The following NOL4 variants were observed in gnomAD, a reference collection of about 807,000 sequenced individuals.
NOL4 encodes cancer/testis antigen 125.
A neutral mutation model predicts 75.9 loss-of-function variants in NOL4; 17 were observed. The ratio of observed to expected loss-of-function variants is 0.22; its 90% CI spans 0.15 to 0.34. The LOEUF (loss-of-function observed/expected upper bound fraction) is 0.34, where lower values mean the gene tolerates loss of function less well. Ranked by LOEUF, NOL4 falls within the 10% of genes least tolerant of loss-of-function variation. The pLI, the probability that NOL4 is intolerant of heterozygous loss-of-function variation, is 1.00. For synonymous variants in NOL4, 292 were observed against 289.9 expected (o/e 1.01, Z -0.07); for missense variants, 614 against 793.5 (o/e 0.77, Z 2.72).
intron 9 of NOL4, among the ~76,000 whole-genome samples, chr18:33,937,311 A>G (rs1394403238): frequency 6.6e-6 from 1 of 152,090 alleles, no homozygotes; most frequent in Non-Finnish European, 1.5e-5. Flanking sequence ...AGTATTTAAC[A>G]CATCCATACC....
chr18:34,024,158 A>T (rs2075199082), intron 5 of NOL4, among the ~76,000 whole-genome samples: 1 of 138,820 alleles, frequency 7.2e-6, no homozygotes, highest in Admixed American at 7.4e-5. Context: ...CTTTAGGCCA[A>T]GTGCCTTAGG....
At chr18:34,040,290 T>C (rs951744253) in intron 5 of NOL4, among the ~76,000 whole-genome samples, 1 of 151,852 alleles carries the variant, frequency 6.6e-6, no homozygotes, top group African/African-American at 2.4e-5. Flanking sequence ...TACATTTTGG[T>C]ACTTTTTGGA....
chr18:34,048,361 G>T, intron 5 of NOL4: 1 of 732,820 alleles, frequency 1.4e-6, no homozygotes, highest in Non-Finnish European at 1.7e-6. Flanking sequence ...TCATTCTACT[G>T]CTTCATGGGA....
intron 8 of NOL4, among the ~76,000 whole-genome samples, chr18:33,956,076 G>A (rs901606627): frequency 2.0e-5 from 3 of 152,020 alleles, no homozygotes; most frequent in African/African-American, 7.2e-5. Context: ...TCACCTATTG[G>A]AGATGCCCTA....
chr18:34,206,833 T>C (rs2036153715), intron 1 of NOL4, among the ~76,000 whole-genome samples: 2 of 152,130 alleles, frequency 1.3e-5, no homozygotes, highest in Admixed American at 1.3e-4. Flanking sequence ...TCTCCTTCTA[T>C]GATTCCACTG....
At chr18:33,970,304 C>A (rs1243362967) in intron 6 of NOL4, among the ~76,000 whole-genome samples, 2 of 152,012 alleles carry the variant, frequency 1.3e-5, no homozygotes, top group African/African-American at 2.4e-5. Context: ...GTATATATGA[C>A]CTTTGGTTTT....
intron 1 of NOL4, among the ~76,000 whole-genome samples, chr18:34,213,743 C>G (rs775527832): frequency 2.0e-4 from 31 of 152,168 alleles, no homozygotes; most frequent in Non-Finnish European, 3.4e-4. Context: ...CTTCCCAACC[C>G]TCAGAACTGT....
chr18:34,071,870 G>A (rs1389031600), intron 5 of NOL4, among the ~76,000 whole-genome samples: 1 of 152,092 alleles, frequency 6.6e-6, no homozygotes, highest in Non-Finnish European at 1.5e-5. Context: ...ACATAATGAG[G>A]GGGGAATGTA....
chr18:33,951,703 C>T (rs1294621262), intron 8 of NOL4, among the ~76,000 whole-genome samples: 1 of 152,094 alleles, frequency 6.6e-6, no homozygotes, highest in Non-Finnish European at 1.5e-5. Context: ...TTTACTTTCT[C>T]CTTGCCTGAA....
chr18:33,987,571 G>A (rs1483499800), intron 6 of NOL4, among the ~76,000 whole-genome samples: 1 of 152,124 alleles, frequency 6.6e-6, no homozygotes, highest in Non-Finnish European at 1.5e-5. Context: ...TGTGTGTTTG[G>A]ATTTAGAATC....
At chr18:34,162,622 G>C (rs540678410) in intron 1 of NOL4, among the ~76,000 whole-genome samples, 1 of 152,162 alleles carries the variant, frequency 6.6e-6, no homozygotes, top group South Asian at 2.1e-4. Context: ...AAAGAGTCCA[G>C]GACCAGATGG....
chr18:34,024,189 AAAAAAATAT>A (rs1448715533), intron 5 of NOL4, among the ~76,000 whole-genome samples: 1 of 115,278 alleles, frequency 8.7e-6, no homozygotes, highest in Non-Finnish European at 1.9e-5. Flanking sequence ...AGGAAAAAAA[AAAAAAATAT>A]ATATATATAT....
At position 33,852,746 on chromosome 18, in the gene NOL4, T is replaced by C. The variant is rs2062676568; in HGVS notation, c.*96A>G. On this transcript the variant is annotated 3_prime_UTR_variant, in exon 11 of 11. Coordinates refer to ENST00000261592, the MANE Select transcript of NOL4 (RefSeq NM_003787.5). ...AATGGAAGTATTTCTCTTAAAAGAC[T>C]GTGCAGTAAGACCAGAAGTATCTCT... The C allele has an allele frequency of 9.7e-7, 1 of 1,029,510 alleles. No individual in the cohort carries two copies. Among genetic ancestry groups the C allele is most frequent in the Admixed American group, 2.2e-5 (1 of 46,456 alleles). 63.8% of individuals were successfully genotyped at this position (1,029,510 alleles called of 1,614,324 possible).
intron 5 of NOL4, among the ~76,000 whole-genome samples, chr18:34,046,619 TATATATA>T (rs1275456803): frequency 7.8e-6 from 1 of 128,008 alleles, no homozygotes; most frequent in Non-Finnish European, 1.7e-5. Context: ...TATATATATA[TATATATA>T]TATATATATA....
chr18:33,943,073 T>A lies in NOL4; in HGVS notation c.1534A>T (p.Arg512Ter), dbSNP rs1346421201. 6.2e-7 allele frequency: 1 copy of A among 1,609,808 alleles called. No homozygotes were observed. Among genetic ancestry groups the A allele is most frequent in the Non-Finnish European group, 8.5e-7 (1 of 1,177,128 alleles). Reference protein sequence around the residue: ...RNAAKRMRLERQQDESAPADK... With the variant: ...RNAAKRMRLE ...TCAAGATGCCTCAGTACCTGCTGTC[T>A]CTCCAGACGCATCCTCTTGGCGGCA... The change falls in exon 9 of 11, where the codon AGA becomes TGA. Residue 512 changes from arginine to a stop codon, truncating the protein, a stop_gained. Transcript: ENST00000261592. LOFTEE classifies it high-confidence loss of function.
intron 1 of NOL4, among the ~76,000 whole-genome samples, chr18:34,165,620 C>A (rs9951509): frequency 0.5 from 75,854 of 151,802 alleles, 19,027 homozygotes; most frequent in Admixed American, 0.56. Context: ...AAAGCTTTCA[C>A]AATGAATAAT....
chr18:34,155,978 T>C (rs1448512257), intron 1 of NOL4, among the ~76,000 whole-genome samples: 1 of 152,170 alleles, frequency 6.6e-6, no homozygotes, highest in South Asian at 2.1e-4. Flanking sequence ...CAGAAAATGC[T>C]TTCCTATAGA....
chr18:33,966,357 G>T (rs991203174), intron 6 of NOL4, among the ~76,000 whole-genome samples: 12 of 152,072 alleles, frequency 7.9e-5, no homozygotes, highest in Non-Finnish European at 1.6e-4. Flanking sequence ...CTAGGCAAAA[G>T]CTGGAAGCAT....
chr18:33,888,818 G>A (rs370553878), intron 9 of NOL4, among the ~76,000 whole-genome samples: 84 of 152,224 alleles, frequency 5.5e-4, no homozygotes, highest in African/African-American at 1.3e-3. Flanking sequence ...TTCGGTTGCT[G>A]TAGCCTTGTA....
Sources: allele counts gnomAD v4.1 joint callset (sites outside exome capture counted in the v4.1 genomes callset), GRCh38; gene constraint gnomAD v4.1.1; transcripts MANE v1.5; gene names NCBI Gene and HGNC (gene_info 2026-07-23, HGNC 2026-07-21).